Variants in PSMG2 observed in about 807,000 individuals in gnomAD.
PSMG2 encodes CD40 ligand-activated specific transcript 3.
In PSMG2, 21 loss-of-function variants were observed where a neutral mutation model predicts 31.5. That is an observed-to-expected ratio of 0.67 (90% CI 0.47 to 0.96). The LOEUF (loss-of-function observed/expected upper bound fraction) is 0.96. PSMG2 is among the 40% of genes least tolerant of loss of function. PSMG2 has a pLI of 0.00. For synonymous variants in PSMG2, 120 were observed against 110.4 expected (o/e 1.09, Z -0.54); for missense variants, 318 against 321.2 (o/e 0.99, Z 0.08).
intron 3 of PSMG2, among the ~76,000 whole-genome samples, chr18:12,713,762 T>A (rs544180683): frequency 6.6e-6 from 1 of 151,926 alleles, no homozygotes; most frequent in African/African-American, 2.4e-5. Flanking sequence ...CTCAATAATT[T>A]CTTTCTTTTT....
At chr18:12,676,207 A>G (rs1005628256) in intron 1 of PSMG2, among the ~76,000 whole-genome samples, 10 of 150,938 alleles carry the variant, frequency 6.6e-5, no homozygotes, top group Non-Finnish European at 1.5e-4. Flanking sequence ...ATTTACAGGC[A>G]CCTTAACTTA....
At position 12,659,837 on chromosome 18, in the gene PSMG2, G is replaced by A. The variant is rs566387659; in HGVS notation, c.-37+1064G>A. Among the ~76,000 whole-genome samples, 79 of 152,020 alleles carry A rather than the reference G, an allele frequency of 5.2e-4. 1 individual carries two copies. The highest frequency in any genetic ancestry group is 1.8e-3 in the African/African-American group (75 of 41,516). On this transcript the variant is annotated intron_variant, in intron 1 of 6. Transcript: ENST00000585331. The stretch of plus-strand genomic sequence containing the variant: ...ATCTATGTGTGCCAAAGCCCAGAGA[G>A]GCAAACATGTAATTCCTTATGTGTG...
At chr18:12,668,597 CAAAAAAAAA>C (rs752216074) in intron 1 of PSMG2, among the ~76,000 whole-genome samples, 21 of 72,828 alleles carry the variant, frequency 2.9e-4, no homozygotes, top group Admixed American at 9.2e-4. Flanking sequence ...GATTCCATCT[CAAAAAAAAA>C]AAAAAAAAAA....
At chr18:12,666,208 T>C (rs1172181341) in intron 1 of PSMG2, among the ~76,000 whole-genome samples, 1 of 151,540 alleles carries the variant, frequency 6.6e-6, no homozygotes, top group Admixed American at 6.6e-5. Context: ...TACACCTATA[T>C]TCCCAGCTAC....
intron 1 of PSMG2, chr18:12,691,544 A>G (rs1240503531): frequency 2.3e-6 from 3 of 1,290,862 alleles, no homozygotes; most frequent in Non-Finnish European, 3.2e-6. Flanking sequence ...ATTACTACAA[A>G]ATATGTAGCA....
At chr18:12,687,764 G>A (rs904443616) in intron 1 of PSMG2, among the ~76,000 whole-genome samples, 4 of 151,638 alleles carry the variant, frequency 2.6e-5, no homozygotes, top group East Asian at 1.9e-4. Flanking sequence ...AGAGGGCACC[G>A]ATTTTTAAAA....
At chr18:12,661,046 G>A (rs1167491118) in intron 1 of PSMG2, among the ~76,000 whole-genome samples, 1 of 152,078 alleles carries the variant, frequency 6.6e-6, no homozygotes, top group African/African-American at 2.4e-5. Flanking sequence ...GGTGGCTCAC[G>A]CCTGTAATCC....
chr18:12,671,615 A>G (rs2038944621), intron 1 of PSMG2, among the ~76,000 whole-genome samples: 1 of 150,186 alleles, frequency 6.7e-6, no homozygotes, highest in African/African-American at 2.4e-5. Flanking sequence ...ATTTTAAAAT[A>G]AGTTGAGGAA....
intron 1 of PSMG2, among the ~76,000 whole-genome samples, chr18:12,679,680 C>T (rs978323380): frequency 7.2e-5 from 11 of 152,170 alleles, no homozygotes; most frequent in Non-Finnish European, 1.0e-4. Flanking sequence ...GATTTGCCAA[C>T]GTGGAGATGG....
At chr18:12,702,685 G>T (rs959077762), upstream of PSMG2, 45 of 954,246 alleles carry the variant, frequency 4.7e-5, no homozygotes, top group African/African-American at 6.4e-4. Flanking sequence ...GCTCCCGGGG[G>T]ACGCAACGCC....
chr18:12,695,777 T>A (rs1382058364), intron 1 of PSMG2, among the ~76,000 whole-genome samples: 2 of 152,054 alleles, frequency 1.3e-5, no homozygotes, highest in African/African-American at 4.8e-5. Context: ...ATTTTTGTCT[T>A]AATTAAATGT....
At chr18:12,690,515 G>A (rs893708123) in intron 1 of PSMG2, among the ~76,000 whole-genome samples, 10 of 151,890 alleles carry the variant, frequency 6.6e-5, no homozygotes, top group Non-Finnish European at 5.9e-5. Context: ...GACTGCAGTG[G>A]TGCGATCTCG....
intron 1 of PSMG2, among the ~76,000 whole-genome samples, chr18:12,671,794 C>A (rs1202917608): frequency 6.6e-6 from 1 of 151,882 alleles, no homozygotes; most frequent in Non-Finnish European, 1.5e-5. Context: ...GTGTGTGACA[C>A]CATGCCTAGC....
chr18:12,698,235 T>C (rs897501747), upstream of PSMG2, among the ~76,000 whole-genome samples: 4 of 151,940 alleles, frequency 2.6e-5, no homozygotes, highest in African/African-American at 7.2e-5. Context: ...TTTATTCATT[T>C]ATTTATTTAT....
intron 1 of PSMG2, among the ~76,000 whole-genome samples, chr18:12,705,242 T>TAAA (rs2145131736): frequency 6.6e-6 from 1 of 152,230 alleles, no homozygotes; most frequent in African/African-American, 2.4e-5. Context: ...TTTTGTATTT[T>TAAA]TGGTAGAGAC....
At chr18:12,669,614 C>T (rs1010415929) in intron 1 of PSMG2, among the ~76,000 whole-genome samples, 2 of 152,072 alleles carry the variant, frequency 1.3e-5, no homozygotes, top group Non-Finnish European at 2.9e-5. Flanking sequence ...TCAAGAACAC[C>T]ACCTTGGAGA....
At position 12,705,576 on chromosome 18, in the gene PSMG2, A is replaced by AGTGTGTGTGTGT. The variant is rs548642491; in HGVS notation, c.58-957_58-946dup. Among the ~76,000 whole-genome samples, 884 of 129,734 alleles carry AGTGTGTGTGTGT rather than the reference A, an allele frequency of 6.8e-3. 7 individuals carry two copies. The highest frequency in any genetic ancestry group is 0.023 in the African/African-American group (776 of 33,090). 85.1% of individuals were successfully genotyped at this position (129,734 alleles called of 152,430 possible). On this transcript the variant is annotated intron_variant, in intron 1 of 6. Coordinates refer to ENST00000317615, the MANE Select transcript of PSMG2 (RefSeq NM_020232.5). ...GAGAGAGAGAGAGAGAGAGAGAGAG[A>AGTGTGTGTGTGT]GTGTGTGTGTGTGTGTGTGTGTGTG...
At chr18:12,674,895 G>A (rs1328551859) in intron 1 of PSMG2, 3 of 499,782 alleles carry the variant, frequency 6.0e-6, no homozygotes, top group South Asian at 3.9e-5. Flanking sequence ...AATAATTATA[G>A]GGATACATAG....
At chr18:12,721,104 C>T (rs1303475310) in intron 5 of PSMG2, among the ~76,000 whole-genome samples, 2 of 148,294 alleles carry the variant, frequency 1.3e-5, no homozygotes, top group African/African-American at 5.0e-5. Flanking sequence ...GGTGTGAACC[C>T]GAGAGGCGGA....
Sources: allele counts gnomAD v4.1 joint callset (sites outside exome capture counted in the v4.1 genomes callset), GRCh38; gene constraint gnomAD v4.1.1; transcripts MANE v1.5; gene names NCBI Gene and HGNC (gene_info 2026-07-23, HGNC 2026-07-21).